TRAPPC11: variants seen among roughly 807,000 people sequenced by gnomAD.
TRAPPC11 encodes foie gras homolog.
TRAPPC11 carries 104 observed loss-of-function variants against 151.2 expected under a neutral mutation model. The ratio of observed to expected loss-of-function variants is 0.69; its 90% CI spans 0.59 to 0.81. The LOEUF (loss-of-function observed/expected upper bound fraction) is 0.81, where lower values mean the gene tolerates loss of function less well. Among genes scored for constraint, TRAPPC11 ranks in the 30% least tolerant of loss-of-function variants. The pLI is 0.00. For missense variants in TRAPPC11, 1,230 were observed against 1,349.6 expected (o/e 0.91, Z 1.39); for synonymous variants, 456 against 472.3 (o/e 0.97, Z 0.45).
chr4:183,691,475 A>G lies in TRAPPC11; in HGVS notation c.2049+4A>G. The stretch of plus-strand genomic sequence containing the variant: ...AGATGTGGGAAAGAAAATTGAGGTT[A>G]GTTATGAAATTTGTTTTAAAATATT... On this transcript the variant is annotated splice_donor_region_variant and intron_variant, in intron 19 of 29. Coordinates refer to ENST00000334690, the MANE Select transcript of TRAPPC11 (RefSeq NM_021942.6). 4 of 1,447,560 alleles carry G rather than the reference A, an allele frequency of 2.8e-6. No homozygotes were observed. Among genetic ancestry groups the G allele is most frequent in the Non-Finnish European group, 3.7e-6 (4 of 1,082,104 alleles). The allele number at this position is 1,447,560 out of a possible 1,614,324, so 89.7% of individuals were successfully genotyped here. A position where few individuals can be genotyped will look rare whatever the true frequency, so the allele number is the denominator to read the frequency against.
At chr4:183,683,277 C>T (rs1735789775) in intron 11 of TRAPPC11, among the ~76,000 whole-genome samples, 1 of 152,076 alleles carries the variant, frequency 6.6e-6, no homozygotes. Context: ...CATTTTAAAA[C>T]AGCATTAACT....
In TRAPPC11 at chr4:183,675,254, A is replaced by G. The variant is rs376472233; in HGVS notation, c.734+17A>G. 1.2e-4 allele frequency: 169 copies of G among 1,457,780 alleles called. No homozygotes were observed. The African/African-American group carries it at 2.2e-3, about 19-fold the overall frequency. 90.3% of individuals were successfully genotyped at this position (1,457,780 alleles called of 1,614,324 possible). ...TGCGCTGAAGTAAGTTAAGCTTTCA[A>G]ACTAAATGTTTCCTATTTTTATATT... On this transcript the variant is annotated intron_variant, in intron 7 of 29. Coordinates refer to ENST00000334690, the MANE Select transcript of TRAPPC11 (RefSeq NM_021942.6).
At chr4:183,686,577 A>G in intron 17 of TRAPPC11, 41 bp from the exon 18 acceptor site, 1 of 1,606,974 alleles carries the variant, frequency 6.2e-7, no homozygotes, top group African/African-American at 1.3e-5. Flanking sequence ...GGTCGTGGGT[A>G]TCTGGTTGTG....
chr4:183,703,184 G>A (rs1489776625), intron 26 of TRAPPC11, among the ~76,000 whole-genome samples: 1 of 152,112 alleles, frequency 6.6e-6, no homozygotes, highest in Admixed American at 6.5e-5. Flanking sequence ...AAATAAAAAA[G>A]ACAACTGTAG....
chr4:183,677,619 T>G (rs866421379), intron 8 of TRAPPC11, 65 bp downstream of exon 8: 2 of 941,610 alleles, frequency 2.1e-6, no homozygotes, highest in Middle Eastern at 4.7e-4. Context: ...TTTTAAAATT[T>G]GAACATCAAA....
At chr4:183,684,976 C>A in intron 15 of TRAPPC11, 108 bp from the exon 16 acceptor site, 1 of 1,294,208 alleles carries the variant, frequency 7.7e-7, no homozygotes, top group Non-Finnish European at 1.1e-6. Flanking sequence ...TGTGCTTAGT[C>A]ATCTTAAAGA....
At chr4:183,673,153 A>G (rs1204879262) in intron 5 of TRAPPC11, among the ~76,000 whole-genome samples, 1 of 151,790 alleles carries the variant, frequency 6.6e-6, no homozygotes, top group Non-Finnish European at 1.5e-5. Flanking sequence ...TATTAGAGAC[A>G]GGGTTTCACC....
At chr4:183,672,717 C>T (rs563537574) in intron 5 of TRAPPC11, among the ~76,000 whole-genome samples, 2 of 152,308 alleles carry the variant, frequency 1.3e-5, no homozygotes, top group East Asian at 1.9e-4. Context: ...CCTACTTACT[C>T]TCAGTCTTCT....
intron 1 of TRAPPC11, among the ~76,000 whole-genome samples, chr4:183,661,198 T>TC (rs979303665): frequency 6.6e-6 from 1 of 152,036 alleles, no homozygotes; most frequent in African/African-American, 2.4e-5. Context: ...TGTTGTTCTT[T>TC]CAGTATGTAA....
At chr4:183,691,647 T>C (rs771617885) in intron 19 of TRAPPC11, among the ~76,000 whole-genome samples, 176 bp downstream of exon 19, 3 of 152,130 alleles carry the variant, frequency 2.0e-5, no homozygotes, top group Non-Finnish European at 4.4e-5. Context: ...TCTGTGAACA[T>C]ACTTGTAGTT....
At chr4:183,703,821 A>T (rs923308212) in intron 26 of TRAPPC11, among the ~76,000 whole-genome samples, 1 of 152,210 alleles carries the variant, frequency 6.6e-6, no homozygotes. Context: ...TACCACAGGG[A>T]AAATATTTAA....
chr4:183,668,435 C>T (rs1734991059), intron 5 of TRAPPC11, among the ~76,000 whole-genome samples: 1 of 152,178 alleles, frequency 6.6e-6, no homozygotes, highest in Non-Finnish European at 1.5e-5. Flanking sequence ...ATATGATACA[C>T]AGTGATCTTC....
intron 27 of TRAPPC11, among the ~76,000 whole-genome samples, chr4:183,706,490 T>A (rs1327470987): frequency 6.7e-6 from 1 of 149,266 alleles, no homozygotes; most frequent in Non-Finnish European, 1.5e-5. Context: ...ACCACTGCAC[T>A]CCAGCCTGGG....
chr4:183,694,524 G>A, intron 22 of TRAPPC11, 80 bp from the exon 23 acceptor site: 2 of 1,389,348 alleles, frequency 1.4e-6, no homozygotes, highest in South Asian at 1.3e-5. Context: ...ACTCTAGAAG[G>A]TGGGAACATT....
Position 183,685,101 on chromosome 4 carries a change from G to T in TRAPPC11, c.1585G>T (p.Asp529Tyr). 6.2e-7 allele frequency: 1 copy of T among 1,613,764 alleles called. No individual in the cohort carries two copies. Among genetic ancestry groups the T allele is most frequent in the South Asian group, 1.1e-5 (1 of 90,968 alleles). ...LLGRASTLKD[D>Y]QKSRIEKNLI... The stretch of plus-strand genomic sequence containing the variant: ...CATACTAGCTTCAACTCTGAAAGAT[G>T]ACCAGAAGTCTCGGATAGAAAAGAA... Residue 529 changes from aspartate to tyrosine, a missense_variant, in exon 16 of 30, where the codon GAC becomes TAC. Asp to Tyr is a radical substitution (Grantham distance 160). Transcript: ENST00000334690.
intron 17 of TRAPPC11, among the ~76,000 whole-genome samples, chr4:183,686,082 C>A (rs1305028693): frequency 6.6e-6 from 1 of 152,120 alleles, no homozygotes; most frequent in Non-Finnish European, 1.5e-5. Context: ...AGGTGATGCA[C>A]CCGCCTGAGC....
Position 183,713,344 on chromosome 4 carries a change from A to G in TRAPPC11, c.*700A>G, listed in dbSNP as rs969768323. On this transcript the variant is annotated 3_prime_UTR_variant, in exon 30 of 30. Transcript: ENST00000334690. Reference sequence around the variant, plus strand: ...GATTTGATTATAAACATAATTTCCTAGACTGAAAGTTTTTGGAAAAGATGC... The same window carrying G: ...GATTTGATTATAAACATAATTTCCTGGACTGAAAGTTTTTGGAAAAGATGC... The G allele has an allele frequency of 6.6e-6, 1 of 152,660 alleles. No homozygotes were observed. Among genetic ancestry groups the G allele is most frequent in the Non-Finnish European group, 1.5e-5 (1 of 68,048 alleles). The allele number at this position is 152,660 out of a possible 1,614,324, so 9.5% of individuals were successfully genotyped here.
In TRAPPC11 at chr4:183,666,328, G is replaced by A. The variant is rs752722407; in HGVS notation, c.276G>A (p.Leu92=). ...GCTGGATGAATAAGCATCTGAATCT[G>A]GTGCCAGCCCTGGTGGTTGTGTTCT... is the stretch of plus-strand genomic sequence containing the variant. ...KTGWMNKHLN[L]VPALVVVFYE... The change falls in exon 3 of 30, where the codon CTG becomes CTA. Residue 92 remains leucine (L), a synonymous_variant. Transcript: ENST00000334690. 8 of 1,614,154 alleles carry A rather than the reference G, an allele frequency of 5.0e-6. No individual in the cohort carries two copies. In the Admixed American group the frequency reaches 1.3e-4, roughly 27 times the overall value.
intron 1 of TRAPPC11, among the ~76,000 whole-genome samples, chr4:183,662,147 C>G (rs1304233332): frequency 6.6e-6 from 1 of 151,966 alleles, no homozygotes; most frequent in African/African-American, 2.4e-5. Flanking sequence ...CGCCTGAGGT[C>G]ACGAGATCAA....
Sources: allele counts gnomAD v4.1 joint callset (sites outside exome capture counted in the v4.1 genomes callset), GRCh38; gene constraint gnomAD v4.1.1; transcripts MANE v1.5; gene names NCBI Gene and HGNC (gene_info 2026-07-23, HGNC 2026-07-21).